SGSH: variants seen among roughly 807,000 people sequenced by gnomAD.
SGSH encodes the protein heparan sulfate sulfatase.
In SGSH, 48 loss-of-function variants were observed where a neutral mutation model predicts 51.0. The ratio of observed to expected loss-of-function variants is 0.94; its 90% CI spans 0.75 to 1.20. The LOEUF (loss-of-function observed/expected upper bound fraction) is 1.20, where lower values mean the gene tolerates loss of function less well. Among genes scored for constraint, SGSH ranks in the 50% most tolerant of loss-of-function variants. SGSH has a pLI of 0.00. For synonymous variants in SGSH, 321 were observed against 313.4 expected, an observed-to-expected ratio of 1.02 and a Z score of -0.26; for missense variants, 662 against 717.8, an observed-to-expected ratio of 0.92 and a Z score of 0.89.
chr17:80,213,785 C>T lies in SGSH; in HGVS notation c.745+19G>A, dbSNP rs951397766. ...CCCGGCCGTGGCACCCCCTCCAGTG[C>T]CCGGTTCTGCAAGCCCACCTTGGTC... On this transcript the variant is annotated intron_variant, in intron 6 of 7. Transcript: ENST00000326317. This position sits in a 1 kb window ranked among gnomAD's most constrained non-coding sequence, Gnocchi z 4.6. 1.1e-5 allele frequency: 17 copies of T among 1,587,914 alleles called. No individual in the cohort carries two copies. Among genetic ancestry groups the T allele is most frequent in the Non-Finnish European group, 1.5e-5 (17 of 1,172,110 alleles).
chr17:80,214,837 C>T, intron 3 of SGSH, 72 bp from the exon 4 acceptor site: 3 of 1,564,858 alleles, frequency 1.9e-6, no homozygotes, highest in Non-Finnish European at 2.6e-6. Flanking sequence ...CTCTGCCCCT[C>T]TCGGCCCTAA....
chr17:80,216,489 G>A (rs945679987), intron 2 of SGSH, among the ~76,000 whole-genome samples: 1 of 152,208 alleles, frequency 6.6e-6, no homozygotes, highest in Non-Finnish European at 1.5e-5. Context: ...GATGGATGGT[G>A]GTGATGGCTG....
At chr17:80,214,495 G>T in intron 4 of SGSH, 120 bp downstream of exon 4, 1 of 1,308,614 alleles carries the variant, frequency 7.6e-7, no homozygotes, top group Non-Finnish European at 1.1e-6. Flanking sequence ...TCGAGTACCT[G>T]GAACCTTCTC....
intron 2 of SGSH, chr17:80,216,804 A>T (rs2041907388): frequency 1.7e-6 from 1 of 574,240 alleles, no homozygotes; most frequent in South Asian, 2.1e-5. Context: ...ACAAGGAGGT[A>T]GGTGACTTGC....
downstream of SGSH, chr17:80,208,306 G>A: frequency 1.2e-6 from 2 of 1,605,792 alleles, no homozygotes; most frequent in Non-Finnish European, 1.7e-6. Flanking sequence ...TCGCCGACGA[G>A]CAGAAGAAGG....
chr17:80,211,868 C>A, intron 7 of SGSH: 1 of 616,258 alleles, frequency 1.6e-6, no homozygotes, highest in Admixed American at 2.5e-5. Context: ...TTAGTGCTTA[C>A]CAGCTGTGCA....
At position 80,213,793 on chromosome 17, in the gene SGSH, T is replaced by C. The variant is rs1448016581; in HGVS notation, c.745+11A>G. ...TGGCACCCCCTCCAGTGCCCGGTTC[T>C]GCAAGCCCACCTTGGTCCATGCGGC... On this transcript the variant is annotated intron_variant, in intron 6 of 7. Transcript: ENST00000326317. This position sits in a 1 kb window ranked among gnomAD's most constrained non-coding sequence, Gnocchi z 4.6. 2 of 1,594,872 alleles carry C rather than the reference T, an allele frequency of 1.3e-6. No homozygotes were observed. The highest frequency in any genetic ancestry group is 2.3e-5 in the South Asian group (2 of 88,268).
intron 7 of SGSH, 197 bp from the exon 8 acceptor site, chr17:80,211,208 G>A: frequency 2.1e-6 from 3 of 1,431,368 alleles, no homozygotes; most frequent in Non-Finnish European, 2.8e-6. Flanking sequence ...ATAACAAGAG[G>A]CCCTGATTCG....
chr17:80,217,411 A>G (rs1178346421), intron 1 of SGSH, among the ~76,000 whole-genome samples: 1 of 152,200 alleles, frequency 6.6e-6, no homozygotes. Context: ...CAAGCATGGT[A>G]TCAGAGGGCA....
At chr17:80,215,396 T>C (rs1178222111) in intron 2 of SGSH, among the ~76,000 whole-genome samples, 1 of 152,254 alleles carries the variant, frequency 6.6e-6, no homozygotes, top group Non-Finnish European at 1.5e-5. Context: ...GTGGCCTTGA[T>C]GTTCTTTTTG....
chr17:80,204,250 G>A (rs778848984), downstream of SGSH: 5 of 1,594,928 alleles, frequency 3.1e-6, no homozygotes, highest in Admixed American at 3.4e-5. Context: ...GACCACAGAA[G>A]CTGGTCCGCA....
At chr17:80,219,546 A>G (rs761932238) in intron 1 of SGSH, among the ~76,000 whole-genome samples, 1 of 152,222 alleles carries the variant, frequency 6.6e-6, no homozygotes, top group Non-Finnish European at 1.5e-5. Flanking sequence ...CAGTGAGCCG[A>G]ACCCCCGCCC....
In SGSH at chr17:80,210,826, C is replaced by T. The variant is rs541847913; in HGVS notation, c.1135G>A (p.Val379Met). 29 of 1,613,978 alleles carry T rather than the reference C, an allele frequency of 1.8e-5. No homozygotes were observed. Among genetic ancestry groups the T allele is most frequent in the African/African-American group, 8.0e-5 (6 of 75,032 alleles). ...EVTMSYPMRS[V>M]QHRHFRLVHN... ...ACGAGGCGGAAGTGCCGGTGCTGCA[C>T]GGAGCGCATGGGGTAGGACATGGTG... Residue 379 changes from valine to methionine, a missense_variant, in exon 8 of 8, where the codon GTG becomes ATG. Coordinates refer to ENST00000326317, the MANE Select transcript of SGSH (RefSeq NM_000199.5).
Position 80,210,638 on chromosome 17 carries a change from C to G in SGSH, c.1323G>C (p.Arg441=), listed in dbSNP as rs202209795. The part of the protein sequence containing the change: ...YYRARWELYD[R]SRDPHETQNL... ...TCTGGGTCTCGTGGGGGTCCCGGCT[C>G]CGGTCGTAGAGCTCCCAGCGCGCCC... The change falls in exon 8 of 8, where the codon CGG becomes CGC. Residue 441 remains arginine (R), a synonymous_variant. Coordinates refer to ENST00000326317, the MANE Select transcript of SGSH (RefSeq NM_000199.5). 6.2e-6 allele frequency: 10 copies of G among 1,613,938 alleles called. No homozygotes were observed. In the Admixed American group the frequency reaches 1.7e-4, roughly 27 times the overall value.
chr17:80,212,091 T>C lies in SGSH; in HGVS notation c.929A>G (p.Glu310Gly). Residue 310 changes from glutamate to glycine, a missense_variant, in exon 7 of 8, where the codon GAG (glutamate) becomes GGG (glycine). Coordinates refer to ENST00000326317, the MANE Select transcript of SGSH (RefSeq NM_000199.5). This position sits in a 1 kb window ranked among gnomAD's most constrained non-coding sequence, Gnocchi z 5.9. ...CATACCTAGGAGGCTCACGTAGGCC[T>C]CGCTGACTTGGCCCCAGCGTTTTGG... The part of the protein sequence containing the change: ...EHPKRWGQVS[E>G]AYVSLLDLTP... 1 of 1,613,570 alleles carries C rather than the reference T, an allele frequency of 6.2e-7. No homozygotes were observed. Among genetic ancestry groups the C allele is most frequent in the Non-Finnish European group, 8.5e-7 (1 of 1,180,014 alleles).
In SGSH at chr17:80,212,109, C is replaced by A. The variant is rs745884647; in HGVS notation, c.911G>T (p.Arg304Leu). Residue 304 changes from arginine to leucine, a missense_variant, in exon 7 of 8, where the codon CGC becomes CTC. By Grantham distance (102) the Arg-to-Leu change is moderately radical. Transcript: ENST00000326317. This position sits in a 1 kb window ranked among gnomAD's most constrained non-coding sequence, Gnocchi z 5.9. ...GTAGGCCTCGCTGACTTGGCCCCAG[C>A]GTTTTGGGTGCTCCGGGGATGACAC... ...LLVSSPEHPKRWGQVSEAYVS... is the reference protein window; with the variant it reads ...LLVSSPEHPKLWGQVSEAYVS... The A allele has an allele frequency of 6.8e-6, 11 of 1,613,510 alleles. No homozygotes were observed. The highest frequency in any genetic ancestry group is 2.2e-5 in the East Asian group (1 of 44,900).
chr17:80,216,283 C>T (rs1015801844), intron 2 of SGSH, among the ~76,000 whole-genome samples: 5 of 151,864 alleles, frequency 3.3e-5, no homozygotes, highest in East Asian at 1.9e-4. Context: ...GAGCCACGAT[C>T]GCACCACAGC....
At position 80,213,832 on chromosome 17, in the gene SGSH, C is replaced by T; in HGVS notation, c.717G>A (p.Gln239=). 1.9e-6 allele frequency: 3 copies of T among 1,608,274 alleles called. No homozygotes were observed. The highest frequency in any genetic ancestry group is 2.5e-6 in the Non-Finnish European group (3 of 1,179,102). The change falls in exon 6 of 8, where the codon CAG becomes CAA. Residue 239 remains glutamine (Q), a synonymous_variant. Coordinates refer to ENST00000326317, the MANE Select transcript of SGSH (RefSeq NM_000199.5). The surrounding 1 kb of genome is among the most constrained non-coding windows in gnomAD (Gnocchi z 4.6). ...TPAARADLAA[Q]YTTVGRMDQG... ...GGTCCATGCGGCCGACGGTGGTGTA[C>T]TGAGCGGCCAGGTCGGCTCGGGCTG...
intron 2 of SGSH, among the ~76,000 whole-genome samples, chr17:80,216,193 G>GTGGC (rs1224418732): frequency 6.6e-6 from 1 of 152,114 alleles, no homozygotes; most frequent in African/African-American, 2.4e-5. Context: ...GACAGGCGTG[G>GTGGC]TGGCGCGCAC....
Sources: allele counts gnomAD v4.1 joint callset (sites outside exome capture counted in the v4.1 genomes callset), GRCh38; gene constraint gnomAD v4.1.1; non-coding constraint Gnocchi (gnomAD v3.1); transcripts MANE v1.5; gene names NCBI Gene and HGNC (gene_info 2026-07-23, HGNC 2026-07-21).